ASIC2: variants seen among roughly 807,000 people sequenced by gnomAD.
ASIC2 encodes the protein acid-sensing ion channel 2.
In ASIC2, 25 loss-of-function variants were observed where a neutral mutation model predicts 57.3. The ratio of observed to expected loss-of-function variants is 0.44; its 90% confidence interval spans 0.32 to 0.61. The LOEUF is 0.61. Ranked by LOEUF, ASIC2 falls within the 20% of genes least tolerant of loss-of-function variation. The pLI is 0.06. For synonymous variants in ASIC2, 319 were observed against 307.5 expected, an observed-to-expected ratio of 1.04 and a Z score of -0.39; for missense variants, 641 against 738.1, an observed-to-expected ratio of 0.87 and a Z score of 1.52.
chr17:33,383,052 C>CAA, intron 1 of ASIC2, among the ~76,000 whole-genome samples: 1 of 151,624 alleles, frequency 6.6e-6, no homozygotes, highest in Non-Finnish European at 1.5e-5. Context: ...AACAAACAAA[C>CAA]ACCACACACA....
intron 3 of ASIC2, among the ~76,000 whole-genome samples, chr17:33,082,527 C>T (rs892857026): frequency 2.0e-5 from 3 of 151,954 alleles, no homozygotes; most frequent in African/African-American, 7.3e-5. Context: ...GGTGAAACCA[C>T]GTCTCTACTA....
intron 1 of ASIC2, among the ~76,000 whole-genome samples, chr17:33,536,701 G>T (rs548902752): frequency 6.6e-6 from 1 of 152,202 alleles, no homozygotes; most frequent in Non-Finnish European, 1.5e-5. Context: ...AGTAGCCAAA[G>T]TGATCTTTTA....
chr17:33,271,953 T>A (rs1904509112), intron 1 of ASIC2, among the ~76,000 whole-genome samples: 2 of 152,232 alleles, frequency 1.3e-5, no homozygotes, highest in Admixed American at 1.3e-4. Context: ...ACTGTCTTCC[T>A]CTTCTACTCT....
chr17:34,020,129 T>C (rs1907103413), intron 1 of ASIC2, among the ~76,000 whole-genome samples: 1 of 152,228 alleles, frequency 6.6e-6, no homozygotes, highest in African/African-American at 2.4e-5. Context: ...CTACATTTAA[T>C]CTACCACACT....
chr17:33,071,060 A>C (rs552060466), intron 3 of ASIC2, among the ~76,000 whole-genome samples: 1 of 152,194 alleles, frequency 6.6e-6, no homozygotes, highest in Admixed American at 6.5e-5. Flanking sequence ...GGCTTTGAGC[A>C]ATTTCGGTAT....
rs564574942 is a variant in ASIC2 at position 33,584,532 on chromosome 17, C to T, written c.556-472465G>A. ...GGTGTCTGTTGTGATAGAGCCCTGT[C>T]ACCTCCATCAGGTTCAGGGGAGGGA... is the stretch of plus-strand genomic sequence containing the variant. On this transcript the variant is annotated intron_variant, in intron 1 of 9. Coordinates refer to the ASIC2 transcript ENST00000359872. 7.9e-5 allele frequency among the ~76,000 whole-genome samples: 12 copies of T among 152,266 alleles called. No homozygotes were observed. The East Asian group carries it at 2.3e-3, about 29-fold the overall frequency.
intron 1 of ASIC2, among the ~76,000 whole-genome samples, chr17:34,135,521 C>T (rs183718218): frequency 6.6e-6 from 1 of 152,322 alleles, no homozygotes; most frequent in Non-Finnish European, 1.5e-5. Context: ...TCAACCCAGA[C>T]TTCTCTGTGG....
At chr17:33,388,835 C>T (rs1909789420) in intron 1 of ASIC2, among the ~76,000 whole-genome samples, 1 of 152,242 alleles carries the variant, frequency 6.6e-6, no homozygotes. Flanking sequence ...TGGCTGCACT[C>T]CCTGTGGTAA....
intron 1 of ASIC2, among the ~76,000 whole-genome samples, chr17:33,683,074 C>T (rs938934259): frequency 2.0e-5 from 3 of 152,186 alleles, no homozygotes; most frequent in South Asian, 4.1e-4. Flanking sequence ...CAGTAGGCCA[C>T]GCTGCCCTAT....
intron 1 of ASIC2, among the ~76,000 whole-genome samples, chr17:33,313,780 G>A (rs558326147): frequency 2.0e-5 from 3 of 152,136 alleles, no homozygotes; most frequent in East Asian, 1.9e-4. Flanking sequence ...GTTCCCTGGC[G>A]GAATCGAAGT....
At chr17:33,458,775 TG>T (rs1912536663) in intron 1 of ASIC2, among the ~76,000 whole-genome samples, 1 of 152,218 alleles carries the variant, frequency 6.6e-6, no homozygotes, top group Admixed American at 6.5e-5. Context: ...ATAATTTCTA[TG>T]ATCTCTTCCA....
At chr17:33,493,566 C>T (rs964354850) in intron 1 of ASIC2, among the ~76,000 whole-genome samples, 1 of 152,168 alleles carries the variant, frequency 6.6e-6, no homozygotes. Context: ...AGTCAAGGTT[C>T]TCTTACTGGC....
At chr17:33,380,851 G>T (rs962280650) in intron 1 of ASIC2, among the ~76,000 whole-genome samples, 1 of 152,196 alleles carries the variant, frequency 6.6e-6, no homozygotes, top group Non-Finnish European at 1.5e-5. Flanking sequence ...CCTCTGAAAG[G>T]TCCAGTCTCT....
chr17:33,919,192 GTGCAGA>G (rs1915654916), intron 1 of ASIC2, among the ~76,000 whole-genome samples: 1 of 152,150 alleles, frequency 6.6e-6, no homozygotes, highest in Non-Finnish European at 1.5e-5. Context: ...TACAAACAAG[GTGCAGA>G]TTTGGATCTG....
chr17:33,214,476 C>G (rs1907399917), intron 1 of ASIC2, among the ~76,000 whole-genome samples: 1 of 152,096 alleles, frequency 6.6e-6, no homozygotes, highest in Admixed American at 6.5e-5. Context: ...TATATTAGAG[C>G]TCCCTGGCAC....
At chr17:33,586,259 G>C (rs569540170) in intron 1 of ASIC2, among the ~76,000 whole-genome samples, 2 of 152,150 alleles carry the variant, frequency 1.3e-5, no homozygotes, top group Admixed American at 6.5e-5. Flanking sequence ...GGAGCTTCTG[G>C]GTTCTCATAT....
intron 1 of ASIC2, among the ~76,000 whole-genome samples, chr17:33,774,382 G>A (rs529581826): frequency 5.6e-4 from 86 of 152,254 alleles, no homozygotes; most frequent in African/African-American, 1.9e-3. Flanking sequence ...AGGCTCATTA[G>A]GAAAGAGTGC....
Position 33,631,585 on chromosome 17 carries a change from C to T in ASIC2, c.556-519518G>A, listed in dbSNP as rs536079630. The stretch of plus-strand genomic sequence containing the variant: ...AAAATGTTGCCGGGAAGATGGAATG[C>T]GATTGTGCCCACAGGGTGCTTAGCA... On this transcript the variant is annotated intron_variant, in intron 1 of 9. Coordinates refer to the ASIC2 transcript ENST00000359872. Among the ~76,000 whole-genome samples, 59 of 152,174 alleles carry T rather than the reference C, an allele frequency of 3.9e-4. 1 individual carries two copies. In the South Asian group the frequency reaches 9.6e-3, roughly 25 times the overall value.
chr17:34,063,550 A>G (rs1482886263), intron 1 of ASIC2, among the ~76,000 whole-genome samples: 2 of 152,196 alleles, frequency 1.3e-5, no homozygotes, highest in Non-Finnish European at 2.9e-5. Flanking sequence ...AATAAAGGGC[A>G]TCCAAATCAG....
Sources: allele counts gnomAD v4.1 joint callset (sites outside exome capture counted in the v4.1 genomes callset), GRCh38; gene constraint gnomAD v4.1.1; transcripts MANE v1.5; gene names NCBI Gene and HGNC (gene_info 2026-07-23, HGNC 2026-07-21).